KLHL13: variants seen among roughly 807,000 people sequenced by gnomAD.
The protein encoded by KLHL13 is kelch-like protein 13.
KLHL13 carries 10 observed loss-of-function variants against 37.1 expected under a neutral mutation model. The observed-to-expected ratio is 0.27, with a 90% confidence interval of 0.17 to 0.46. The LOEUF is 0.46. Among genes scored for constraint, KLHL13 ranks in the 20% least tolerant of loss-of-function variants. The probability of loss-of-function intolerance (pLI) is 1.00; values close to 1 mark genes in which losing one functional copy is unlikely to be tolerated. For synonymous variants in KLHL13, 163 were observed against 181.2 expected (o/e 0.90, Z 0.81); for missense variants, 360 against 509.3 (o/e 0.71, Z 2.82).
chrX:117,942,055 G>T (rs1214530007), intron 2 of KLHL13, among the ~76,000 whole-genome samples: 1 of 111,740 alleles, frequency 8.9e-6, no homozygotes, highest in Admixed American at 9.5e-5. Flanking sequence ...TGGTTTCAAA[G>T]AACTTATTTA....
chrX:117,905,913 TCTAA>T (rs1026596873), intron 5 of KLHL13, among the ~76,000 whole-genome samples: 160 of 111,654 alleles, frequency 1.4e-3, no homozygotes, highest in African/African-American at 5.1e-3. Flanking sequence ...ATTAATTCAT[TCTAA>T]CTATTTTTGT....
intron 1 of KLHL13, among the ~76,000 whole-genome samples, chrX:118,078,523 A>C (rs2054952626): frequency 9.0e-6 from 1 of 111,451 alleles, no homozygotes; most frequent in Non-Finnish European, 1.9e-5. Context: ...AGCCTTAATG[A>C]GTCTGACCTC....
chrX:118,032,432 C>T (rs1007681600), intron 1 of KLHL13, among the ~76,000 whole-genome samples: 1 of 111,607 alleles, frequency 9.0e-6, no homozygotes, highest in Non-Finnish European at 1.9e-5. Context: ...GGTCCCTGAC[C>T]CCTGACCCCC....
upstream of KLHL13, among the ~76,000 whole-genome samples, chrX:117,974,678 A>G (rs145745261): frequency 6.3e-5 from 7 of 111,977 alleles, no homozygotes; most frequent in South Asian, 7.5e-4. Flanking sequence ...AAGACAAACT[A>G]CTATTTTCCT....
upstream of KLHL13, among the ~76,000 whole-genome samples, chrX:117,978,190 T>C (rs182931290): frequency 2.9e-4 from 33 of 112,475 alleles, no homozygotes; most frequent in Non-Finnish European, 5.3e-4. Context: ...TGCCTTGGAT[T>C]TATATCAAAG....
At chrX:117,950,284 T>C (rs1933521591) in intron 1 of KLHL13, among the ~76,000 whole-genome samples, 1 of 111,421 alleles carries the variant, frequency 9.0e-6, no homozygotes. Flanking sequence ...CCAGCCAACA[T>C]GGTAAAACCC....
At chrX:117,959,450 G>C (rs1057317230) in intron 1 of KLHL13, among the ~76,000 whole-genome samples, 27 of 112,360 alleles carry the variant, frequency 2.4e-4, no homozygotes, top group African/African-American at 8.1e-4. Flanking sequence ...TGTCAGACAA[G>C]AGAAGAGCTC....
chrX:118,085,974 G>T (rs186310281), intron 1 of KLHL13, among the ~76,000 whole-genome samples: 1 of 109,714 alleles, frequency 9.1e-6, no homozygotes, highest in African/African-American at 3.3e-5. Context: ...GTTTTGCTTT[G>T]CTGCCCAGGC....
At position 118,055,896 on chromosome X, in the gene KLHL13, G is replaced by C. The variant is rs192876394; in HGVS notation, c.-56+60612C>G. 1.6e-3 allele frequency among the ~76,000 whole-genome samples: 174 copies of C among 112,014 alleles called. 2 individuals are homozygous for C. The highest frequency in any genetic ancestry group is 5.4e-3 in the African/African-American group (168 of 30,871). ...GCTCTCACTACCTCTATTCAACATT[G>C]TGCTAGAAGCTCTATCCAGGGAAAT... is the stretch of plus-strand genomic sequence containing the variant. On this transcript the variant is annotated intron_variant, in intron 1 of 6. Transcript: ENST00000371882.
intron 1 of KLHL13, among the ~76,000 whole-genome samples, chrX:118,064,097 T>G (rs2054770617): frequency 9.0e-6 from 1 of 111,591 alleles, no homozygotes; most frequent in South Asian, 3.7e-4. Context: ...TTCACAAATA[T>G]TTGAAGGATA....
chrX:118,070,890 A>C (rs772747966), intron 1 of KLHL13, among the ~76,000 whole-genome samples: 44 of 108,775 alleles, frequency 4.0e-4, no homozygotes, highest in Non-Finnish European at 6.9e-4. Flanking sequence ...ATATCCCCCA[A>C]TGCTATCCCT....
At chrX:117,911,982 A>G (rs1931023827) in intron 4 of KLHL13, among the ~76,000 whole-genome samples, 1 of 112,193 alleles carries the variant, frequency 8.9e-6, no homozygotes, top group African/African-American at 3.2e-5. Context: ...ACAGCATAAC[A>G]CTGTATAAAT....
At chrX:118,017,278 C>A (rs945690750) in intron 1 of KLHL13, among the ~76,000 whole-genome samples, 1 of 111,598 alleles carries the variant, frequency 9.0e-6, no homozygotes, top group African/African-American at 3.2e-5. Flanking sequence ...AATTAATAAT[C>A]ATCTGATTTT....
chrX:118,114,116 T>C (rs1391445784), intron 1 of KLHL13, among the ~76,000 whole-genome samples: 1 of 112,369 alleles, frequency 8.9e-6, no homozygotes, highest in Non-Finnish European at 1.9e-5. Context: ...TTTCAATCAG[T>C]GGATTTAAGA....
chrX:117,952,449 C>T (rs1182456463), intron 1 of KLHL13, among the ~76,000 whole-genome samples: 4 of 107,656 alleles, frequency 3.7e-5, no homozygotes, highest in Non-Finnish European at 7.7e-5. Context: ...ACCATAAAAA[C>T]CCTAGAAGAA....
intron 1 of KLHL13, among the ~76,000 whole-genome samples, chrX:118,026,826 A>ATG (rs2054279565): frequency 8.9e-6 from 1 of 112,143 alleles, no homozygotes; most frequent in Non-Finnish European, 1.9e-5. Context: ...TTTCCACTTG[A>ATG]TGGCTACCAA....
chrX:117,993,561 T>C, intron 1 of KLHL13, among the ~76,000 whole-genome samples: 1 of 110,977 alleles, frequency 9.0e-6, no homozygotes, highest in Admixed American at 9.6e-5. Context: ...GAACTGGAAT[T>C]TGAACCCAAG....
At chrX:117,912,305 A>G (rs1162607611) in intron 4 of KLHL13, among the ~76,000 whole-genome samples, 1 of 112,051 alleles carries the variant, frequency 8.9e-6, no homozygotes, top group Non-Finnish European at 1.9e-5. Flanking sequence ...TGATTACTAA[A>G]AAACAACAAA....
chrX:118,050,776 A>G (rs1602684264), intron 1 of KLHL13, among the ~76,000 whole-genome samples: 1 of 112,225 alleles, frequency 8.9e-6, no homozygotes, highest in Admixed American at 9.5e-5. Context: ...CACATCTTGC[A>G]ATTTAAAAAA....
Sources: allele counts gnomAD v4.1 joint callset (sites outside exome capture counted in the v4.1 genomes callset), GRCh38; gene constraint gnomAD v4.1.1; transcripts MANE v1.5; gene names NCBI Gene and HGNC (gene_info 2026-07-23, HGNC 2026-07-21).